Variants in FMN2 observed in about 807,000 individuals in gnomAD.
The protein encoded by FMN2 is formin-2.
A neutral mutation model predicts 142.3 loss-of-function variants in FMN2; 51 were observed. The observed-to-expected ratio is 0.36, with a 90% confidence interval of 0.29 to 0.45. The LOEUF is 0.45. FMN2 is among the 20% of genes least tolerant of loss of function. The pLI is 1.00. For synonymous variants in FMN2, 882 were observed against 869.8 expected (o/e 1.01, Z -0.25); for missense variants, 1,936 against 2,122.8 (o/e 0.91, Z 1.73).
intron 8 of FMN2, among the ~76,000 whole-genome samples, chr1:240,323,264 G>A (rs555840247): frequency 3.3e-5 from 5 of 150,142 alleles, no homozygotes; most frequent in East Asian, 3.9e-4. Flanking sequence ...GCCCAATCTC[G>A]GCTCACTGCA....
chr1:240,233,179 A>C (rs1279471144), intron 6 of FMN2, among the ~76,000 whole-genome samples: 1 of 152,114 alleles, frequency 6.6e-6, no homozygotes. Context: ...TCAGGAGTTC[A>C]ATACCAGCCT....
intron 2 of FMN2, 130 bp downstream of exon 2, chr1:240,123,475 G>A: frequency 1.7e-6 from 1 of 600,590 alleles, no homozygotes; most frequent in Non-Finnish European, 2.5e-6. Context: ...TTCCTTAGCT[G>A]CTCAACAGCT....
At chr1:240,358,909 C>T (rs1471237675) in intron 14 of FMN2, among the ~76,000 whole-genome samples, 4 of 152,044 alleles carry the variant, frequency 2.6e-5, no homozygotes, top group South Asian at 4.1e-4. Flanking sequence ...GGCTGAGGTG[C>T]GCAGGTCACA....
intron 6 of FMN2, among the ~76,000 whole-genome samples, chr1:240,213,315 C>T (rs1439987259): frequency 6.6e-6 from 1 of 152,142 alleles, no homozygotes; most frequent in Non-Finnish European, 1.5e-5. Flanking sequence ...GGGACAGTCT[C>T]CATCATGACT....
At position 240,093,526 on chromosome 1, in the gene FMN2, G is replaced by A. The variant is rs755308785; in HGVS notation, c.1417G>A (p.Gly473Ser). The A allele has an allele frequency of 5.1e-6, 8 of 1,579,396 alleles. No individual in the cohort carries two copies. The highest frequency in any genetic ancestry group is 3.7e-5 in the Admixed American group (2 of 54,226). ...AAPAKKHRAD[G>S]GLAAGLSRSA... ...CCCGGCCAAGAAGCACCGGGCCGAC[G>A]GCGGCCTTGCGGCCGGCCTGAGCCG... Residue 473 changes from glycine to serine, a missense_variant, in exon 1 of 18, where the codon GGC (glycine) becomes AGC (serine). Coordinates refer to ENST00000319653, the MANE Select transcript of FMN2 (RefSeq NM_020066.5).
chr1:240,392,453 GA>G, intron 14 of FMN2, 57 bp from the exon 15 acceptor site: 1 of 1,419,284 alleles, frequency 7.0e-7, no homozygotes, highest in Non-Finnish European at 9.9e-7. Flanking sequence ...GATGTTGCTT[GA>G]AATAGTGTAA....
At chr1:240,206,705 A>G (rs1666363696) in intron 4 of FMN2, 94 bp from the exon 5 acceptor site, 3 of 1,387,646 alleles carry the variant, frequency 2.2e-6, no homozygotes, top group Non-Finnish European at 2.9e-6. Context: ...TTCTGGAAGT[A>G]TGACAACAAA....
intron 2 of FMN2, among the ~76,000 whole-genome samples, chr1:240,172,972 G>A (rs1322818440): frequency 1.3e-5 from 2 of 150,866 alleles, no homozygotes; most frequent in African/African-American, 4.9e-5. Flanking sequence ...GTCTTGCTCT[G>A]TCGTCCAGGC....
intron 7 of FMN2, among the ~76,000 whole-genome samples, chr1:240,268,970 C>G (rs1668903404): frequency 6.6e-6 from 1 of 151,902 alleles, no homozygotes; most frequent in African/African-American, 2.4e-5. Context: ...CTATTCAGTG[C>G]ATGATTTGCA....
chr1:240,385,813 A>G (rs1034826413), intron 14 of FMN2, among the ~76,000 whole-genome samples: 3 of 152,118 alleles, frequency 2.0e-5, no homozygotes, highest in African/African-American at 7.2e-5. Flanking sequence ...TATTATGTAT[A>G]TGTTTCTTGA....
chr1:240,413,563 G>A (rs1163034734), intron 15 of FMN2, among the ~76,000 whole-genome samples: 2 of 152,112 alleles, frequency 1.3e-5, no homozygotes, highest in Non-Finnish European at 2.9e-5. Flanking sequence ...ACTGAGAGAA[G>A]GGCTTGTTTC....
intron 13 of FMN2, among the ~76,000 whole-genome samples, chr1:240,346,323 C>G (rs1220703400): frequency 6.6e-6 from 1 of 151,794 alleles, no homozygotes; most frequent in African/African-American, 2.4e-5. Flanking sequence ...AACAGTTATA[C>G]AAATGTTGTA....
chr1:240,275,882 A>T (rs1006690799), intron 7 of FMN2, among the ~76,000 whole-genome samples: 3 of 152,150 alleles, frequency 2.0e-5, no homozygotes, highest in African/African-American at 7.2e-5. Context: ...GGCTGCATAC[A>T]TGTCTTCTTT....
At chr1:240,303,026 A>G (rs565422864) in intron 8 of FMN2, among the ~76,000 whole-genome samples, 5 of 144,678 alleles carry the variant, frequency 3.5e-5, no homozygotes, top group Non-Finnish European at 7.6e-5. Flanking sequence ...TGTTTTTGTT[A>G]TTGTCTCTAT....
chr1:240,098,329 T>A (rs1661293169), intron 1 of FMN2, among the ~76,000 whole-genome samples: 1 of 152,056 alleles, frequency 6.6e-6, no homozygotes, highest in Non-Finnish European at 1.5e-5. Flanking sequence ...CTTGAACTCC[T>A]GACCTCAGGT....
chr1:240,228,338 AG>A (rs1558380566), intron 6 of FMN2, among the ~76,000 whole-genome samples: 248 of 123,900 alleles, frequency 2.0e-3, no homozygotes, highest in Middle Eastern at 4.2e-3. Context: ...AAAAAGAAAA[AG>A]AAAAAGAAAA....
At chr1:240,351,971 T>C (rs189929331) in intron 13 of FMN2, among the ~76,000 whole-genome samples, 155 of 152,356 alleles carry the variant, frequency 1.0e-3, no homozygotes, top group Middle Eastern at 6.8e-3. Context: ...TTACTTCTAC[T>C]TTTTAACTTA....
intron 1 of FMN2, among the ~76,000 whole-genome samples, chr1:240,113,557 CA>C (rs34741987): frequency 0.012 from 1,080 of 88,432 alleles, 4 homozygotes; most frequent in African/African-American, 0.023. Flanking sequence ...GACTCCGTCT[CA>C]AAAAAAAAAA....
chr1:240,404,671 A>G (rs9726599), intron 15 of FMN2, among the ~76,000 whole-genome samples: 2,236 of 152,294 alleles, frequency 0.015, 61 homozygotes, highest in African/African-American at 0.049. Context: ...TAAGTTTTAG[A>G]TACAGCAACT....
Sources: gnomAD v4.1 joint callset for allele counts (sites outside exome capture counted in the v4.1 genomes callset) on GRCh38, gnomAD v4.1.1 for gene constraint, MANE v1.5 for transcripts, NCBI Gene and HGNC (gene_info 2026-07-23, HGNC 2026-07-21) for gene names.